Variants in APOBEC3G observed in about 807,000 individuals in gnomAD.
APOBEC3G encodes apolipoprotein B mRNA editing enzyme catalytic subunit 3G.
In APOBEC3G, 44 loss-of-function variants were observed where a neutral mutation model predicts 50.0. The ratio of observed to expected loss-of-function variants is 0.88; its 90% confidence interval spans 0.69 to 1.13. APOBEC3G has a LOEUF of 1.13. Ranked by LOEUF, APOBEC3G falls within the 50% of genes most tolerant of loss-of-function variation. The probability of loss-of-function intolerance (pLI) is 0.00; values close to 1 mark genes in which losing one functional copy is unlikely to be tolerated. For synonymous variants in APOBEC3G, 156 were observed against 175.3 expected (o/e 0.89, Z 0.87); for missense variants, 469 against 492.0 (o/e 0.95, Z 0.44).
Position 39,081,558 on chromosome 22 carries a change from T to C in APOBEC3G, c.554T>C (p.Leu185Pro). 2.5e-6 allele frequency: 4 copies of C among 1,614,036 alleles called. No homozygotes were observed. The highest frequency in any genetic ancestry group is 2.5e-6 in the Non-Finnish European group (3 of 1,179,906). ...WNNLPKYYILLHIMLGEILRH... is the reference protein window; with the variant it reads ...WNNLPKYYILPHIMLGEILRH... ...AATCTGCCTAAATATTATATATTAC[T>C]GCACATCATGCTGGGGGAGATTCTC... The change falls in exon 4 of 8, where the codon CTG (leucine) becomes CCG (proline). Residue 185 changes from leucine (L) to proline (P), a missense_variant. Physicochemically the swap from Leu to Pro is moderately conservative, Grantham distance 98 (BLOSUM62 -3). Transcript: ENST00000407997.
At position 39,086,366 on chromosome 22, in the gene APOBEC3G, C is replaced by A; in HGVS notation, c.823C>A (p.Gln275Lys). 6.2e-7 allele frequency: 1 copy of A among 1,613,968 alleles called. No homozygotes were observed. Among genetic ancestry groups the A allele is most frequent in the Non-Finnish European group, 8.5e-7 (1 of 1,179,932 alleles). Residue 275 changes from glutamine to lysine, a missense_variant, in exon 6 of 8, where the codon CAG (glutamine) becomes AAG (lysine). Coordinates refer to ENST00000407997, the MANE Select transcript of APOBEC3G (RefSeq NM_021822.4). ...VIPFWKLDLD[Q>K]DYRVTCFTSW... ...TCCCTTTTGGAAGCTGGACCTGGACCAGGACTACAGGGTTACCTGCTTCAC... is the reference window on the plus strand; with the variant it reads ...TCCCTTTTGGAAGCTGGACCTGGACAAGGACTACAGGGTTACCTGCTTCAC...
At position 39,077,324 on chromosome 22, in the gene APOBEC3G, T is replaced by C. The variant is rs780410839; in HGVS notation, c.-38T>C. On this transcript the variant is annotated 5_prime_UTR_variant, in exon 1 of 8. Coordinates refer to ENST00000407997, the MANE Select transcript of APOBEC3G (RefSeq NM_021822.4). The stretch of plus-strand genomic sequence containing the variant: ...GGAGCAGAAAGTGAAACCCTGGTGC[T>C]CCAGACAAAGATCTTAGTCGGGACT... 4 of 1,563,966 alleles carry C rather than the reference T, an allele frequency of 2.6e-6. No individual in the cohort carries two copies. The highest frequency in any genetic ancestry group is 2.6e-6 in the Non-Finnish European group (3 of 1,153,384).
At chr22:39,082,016 T>C (rs1928487583) in intron 4 of APOBEC3G, 1 of 167,190 alleles carries the variant, frequency 6.0e-6, no homozygotes, top group Non-Finnish European at 1.3e-5. Context: ...GCTGCCTCCA[T>C]GGAAACAGAG....
At chr22:39,081,334 T>A in intron 3 of APOBEC3G, 107 bp downstream of exon 3, 1 of 1,543,552 alleles carries the variant, frequency 6.5e-7, no homozygotes, top group Non-Finnish European at 8.8e-7. Context: ...AAAGGCCAAG[T>A]GTCCCAGGGG....
upstream of APOBEC3G, chr22:39,077,229 G>A (rs1309301418): frequency 6.7e-7 from 1 of 1,488,272 alleles, no homozygotes; most frequent in African/African-American, 1.4e-5. Flanking sequence ...TGAGCAGGAA[G>A]CGGGAGGGGC....
chr22:39,078,632 T>C (rs1430046279), intron 1 of APOBEC3G: 10 of 328,568 alleles, frequency 3.0e-5, no homozygotes, highest in Non-Finnish European at 5.6e-5. Context: ...AATAATAATA[T>C]ACAGAGGTGA....
chr22:39,078,442 T>C, intron 1 of APOBEC3G: 1 of 154,842 alleles, frequency 6.5e-6, no homozygotes, highest in South Asian at 2.0e-4. Flanking sequence ...GGGCCCCCAC[T>C]CCATTTGTCC....
Position 39,081,247 on chromosome 22 carries a change from G to A in APOBEC3G, c.466+20G>A, listed in dbSNP as rs74944762. 1.1e-3 allele frequency: 1,704 copies of A among 1,611,510 alleles called. 17 individuals carry two copies. The African/African-American group carries it at 0.02, about 19-fold the overall frequency. ...ATGACGGTGAGAAGTGGGAGGTTCA[G>A]GGGTGTGGGAGAGACTGCTTAAGTG... On this transcript the variant is annotated intron_variant, in intron 3 of 7. Coordinates refer to ENST00000407997, the MANE Select transcript of APOBEC3G (RefSeq NM_021822.4).
chr22:39,086,691 G>A, intron 6 of APOBEC3G, 124 bp downstream of exon 6: 1 of 1,357,200 alleles, frequency 7.4e-7, no homozygotes, highest in Non-Finnish European at 1.0e-6. Context: ...GCCTGCAGAG[G>A]CGATGGCTGC....
intron 3 of APOBEC3G, 63 bp downstream of exon 3, chr22:39,081,290 C>T (rs1211976532): frequency 7.6e-6 from 12 of 1,581,698 alleles, no homozygotes; most frequent in Non-Finnish European, 1.0e-5. Context: ...TGGGTCCTTC[C>T]CACACATACC....
chr22:39,081,305 G>A, intron 3 of APOBEC3G, 78 bp downstream of exon 3: 4 of 1,573,128 alleles, frequency 2.5e-6, no homozygotes, highest in Non-Finnish European at 3.4e-6. Flanking sequence ...CATACCTGTG[G>A]GTCTGCTCTG....
At chr22:39,077,195 C>CCCAGGGCCTCCTACA (rs1928188194), upstream of APOBEC3G, 1 of 1,132,914 alleles carries the variant, frequency 8.8e-7, no homozygotes. Flanking sequence ...GATAAAGCGT[C>CCCAGGGCCTCCTACA]CCAGGGCCTC....
chr22:39,084,047 T>C (rs2146299139), intron 5 of APOBEC3G, among the ~76,000 whole-genome samples, 163 bp downstream of exon 5: 1 of 152,208 alleles, frequency 6.6e-6, no homozygotes. Flanking sequence ...AGACTTCGGC[T>C]TCAGTGACTC....
Position 39,087,449 on chromosome 22 carries a change from C to T in APOBEC3G, c.*28C>T. On this transcript the variant is annotated 3_prime_UTR_variant, in exon 8 of 8. Coordinates refer to ENST00000407997, the MANE Select transcript of APOBEC3G (RefSeq NM_021822.4). ...GATGGGCCTCAGTCTCTAAGGAAGG[C>T]AGAGACCTGGGTTGAGCCTCAGAAT... is the stretch of plus-strand genomic sequence containing the variant. The T allele has an allele frequency of 6.2e-7, 1 of 1,613,940 alleles. No homozygotes were observed. The highest frequency in any genetic ancestry group is 2.2e-5 in the East Asian group (1 of 44,884).
intron 4 of APOBEC3G, 30 bp downstream of exon 4, chr22:39,081,615 C>T (rs548277345): frequency 6.4e-6 from 10 of 1,560,290 alleles, no homozygotes; most frequent in East Asian, 2.2e-5. Context: ...CTCATCGCCT[C>T]GCTCCTCTCA....
chr22:39,084,482 G>A (rs1032850233), intron 5 of APOBEC3G, among the ~76,000 whole-genome samples: 6 of 151,782 alleles, frequency 4.0e-5, no homozygotes, highest in African/African-American at 9.7e-5. Context: ...AGCCAAGATC[G>A]TGCCACTGCA....
intron 5 of APOBEC3G, 73 bp downstream of exon 5, chr22:39,083,957 G>C: frequency 1.3e-6 from 2 of 1,547,692 alleles, no homozygotes; most frequent in Non-Finnish European, 1.8e-6. Context: ...GAAGGTTCTG[G>C]GTGGTACCTG....
Position 39,080,975 on chromosome 22 carries a change from C to G in APOBEC3G, c.214C>G (p.His72Asp), listed in dbSNP as rs138285438. 57 of 1,613,930 alleles carry G rather than the reference C, an allele frequency of 3.5e-5. No individual in the cohort carries two copies. The highest frequency in any genetic ancestry group is 4.4e-5 in the Non-Finnish European group (52 of 1,180,022). Reference sequence around the variant, plus strand: ...GTACCACCCAGAGATGAGATTCTTCCACTGGTTCAGCAAGTGGAGGAAGCT... The same window carrying G: ...GTACCACCCAGAGATGAGATTCTTCGACTGGTTCAGCAAGTGGAGGAAGCT... ...LKYHPEMRFF[H>D]WFSKWRKLHR... The change falls in exon 3 of 8, where the codon CAC becomes GAC. Residue 72 changes from histidine (H) to aspartate (D), a missense_variant. Coordinates refer to ENST00000407997, the MANE Select transcript of APOBEC3G (RefSeq NM_021822.4).
In APOBEC3G at chr22:39,078,932, A is replaced by G. The variant is rs774476356; in HGVS notation, c.18A>G (p.Arg6=). Reference sequence around the variant, plus strand: ...GCTGGTTTCTCTCTTGTGTCTTCAGAAACACAGTGGAGCGAATGTATCGAG... The same window carrying G: ...GCTGGTTTCTCTCTTGTGTCTTCAGGAACACAGTGGAGCGAATGTATCGAG... The part of the protein sequence containing the change: MKPHF[R]NTVERMYRDT... The change falls in exon 2 of 8, where the codon AGA becomes AGG. Residue 6 remains arginine, a splice_region_variant and synonymous_variant. Coordinates refer to ENST00000407997, the MANE Select transcript of APOBEC3G (RefSeq NM_021822.4). 3.7e-6 allele frequency: 6 copies of G among 1,613,592 alleles called. No individual in the cohort carries two copies. The highest frequency in any genetic ancestry group is 5.1e-6 in the Non-Finnish European group (6 of 1,179,732).
Sources: allele counts gnomAD v4.1 joint callset (sites outside exome capture counted in the v4.1 genomes callset), GRCh38; gene constraint gnomAD v4.1.1; transcripts MANE v1.5; gene names NCBI Gene and HGNC (gene_info 2026-07-23, HGNC 2026-07-21).